Variants in PITPNM2 observed in about 807,000 individuals in gnomAD.
PITPNM2 encodes membrane-associated phosphatidylinositol transfer protein 2.
A neutral mutation model predicts 132.2 loss-of-function variants in PITPNM2; 35 were observed. The observed-to-expected ratio is 0.26, with a 90% CI of 0.20 to 0.35. PITPNM2 has a LOEUF of 0.35. PITPNM2 is among the 10% of genes least tolerant of loss of function. PITPNM2 has a pLI of 1.00. For synonymous variants in PITPNM2, 738 were observed against 799.2 expected (o/e 0.92, Z 1.29); for missense variants, 1,332 against 1,912.0 (o/e 0.70, Z 5.66).
chr12:123,041,894 G>C (rs2040492501), intron 2 of PITPNM2, among the ~76,000 whole-genome samples: 1 of 152,054 alleles, frequency 6.6e-6, no homozygotes, highest in South Asian at 2.1e-4. Flanking sequence ...CCTGGCCTTA[G>C]AAAAGTCTTC....
chr12:123,005,121 C>T lies in PITPNM2; in HGVS notation c.952+119G>A. ...GCCCAGGGCTCTGACTCCCTCTGGGCTTGGTGCCTCAATGTCCATGGGAAA... is the reference window on the plus strand; with the variant it reads ...GCCCAGGGCTCTGACTCCCTCTGGGTTTGGTGCCTCAATGTCCATGGGAAA... On this transcript the variant is annotated intron_variant, in intron 7 of 25. Coordinates refer to ENST00000320201, the MANE Select transcript of PITPNM2 (RefSeq NM_020845.3). The surrounding 1 kb of genome is among the most constrained non-coding windows in gnomAD (Gnocchi z 6.2). The T allele has an allele frequency of 7.8e-7, 1 of 1,274,170 alleles. No individual in the cohort carries two copies. The highest frequency in any genetic ancestry group is 1.1e-6 in the Non-Finnish European group (1 of 918,098). The allele number at this position is 1,274,170 out of a possible 1,614,324, so 78.9% of individuals were successfully genotyped here. A position where few individuals can be genotyped will look rare whatever the true frequency, so the allele number is the denominator to read the frequency against.
chr12:123,008,516 C>T lies in PITPNM2; in HGVS notation c.643+1334G>A, dbSNP rs73411043. ...TGCCTGGGAAGTGAGAACCACCATT[C>T]CCATTTTGAGGCTTCAGCACTGGGG... On this transcript the variant is annotated intron_variant, in intron 6 of 25. Transcript: ENST00000320201. The surrounding 1 kb of genome is among the most constrained non-coding windows in gnomAD (Gnocchi z 4.1). Among the ~76,000 whole-genome samples the T allele has an allele frequency of 6.6e-6, 1 of 152,142 alleles. No individual in the cohort carries two copies. Among genetic ancestry groups the T allele is most frequent in the Non-Finnish European group, 1.5e-5 (1 of 68,022 alleles).
chr12:123,091,740 C>T (rs1322375506), intron 2 of PITPNM2: 1 of 152,232 alleles, frequency 6.6e-6, no homozygotes, highest in Non-Finnish European at 1.5e-5. Context: ...CCCGCTGTCA[C>T]CCAGAGCATA....
intron 1 of PITPNM2, among the ~76,000 whole-genome samples, chr12:123,123,090 A>G (rs1371111600): frequency 1.3e-5 from 2 of 152,226 alleles, no homozygotes; most frequent in Non-Finnish European, 1.5e-5. Flanking sequence ...GATGCCTGCT[A>G]CAGCACTGTT....
intron 2 of PITPNM2, chr12:123,075,989 T>C (rs1054212793): frequency 6.6e-6 from 1 of 152,228 alleles, no homozygotes; most frequent in Non-Finnish European, 1.5e-5. Context: ...GTGCCTCCCA[T>C]AGAGGCTGAG....
intron 2 of PITPNM2, among the ~76,000 whole-genome samples, chr12:123,054,983 G>C (rs192586888): frequency 6.6e-6 from 1 of 152,304 alleles, no homozygotes; most frequent in African/African-American, 2.4e-5. Context: ...AGAATCACTT[G>C]AATCCGGGAG....
In PITPNM2 at chr12:123,004,302, G is replaced by A. The variant is rs529938555; in HGVS notation, c.1048+92C>T. ...TATAGAATAGTAACAGGCAACACCC[G>A]CATCAGTCCACACCCACACCCTAAG... On this transcript the variant is annotated intron_variant, in intron 8 of 25. Coordinates refer to ENST00000320201, the MANE Select transcript of PITPNM2 (RefSeq NM_020845.3). This position sits in a 1 kb window ranked among gnomAD's most constrained non-coding sequence, Gnocchi z 4.9. 9.8e-4 allele frequency: 1,153 copies of A among 1,173,470 alleles called. 1 individual carries two copies. The highest frequency in any genetic ancestry group is 1.2e-3 in the Non-Finnish European group (975 of 795,548). The allele number at this position is 1,173,470 out of a possible 1,614,324, so 72.7% of individuals were successfully genotyped here.
At chr12:123,052,936 A>G (rs2040911182) in intron 2 of PITPNM2, among the ~76,000 whole-genome samples, 1 of 152,094 alleles carries the variant, frequency 6.6e-6, no homozygotes, top group African/African-American at 2.4e-5. Flanking sequence ...GCTGGGGTAC[A>G]ATGTCACCAT....
At chr12:123,040,792 T>C (rs932697371) in intron 2 of PITPNM2, among the ~76,000 whole-genome samples, 12 of 152,242 alleles carry the variant, frequency 7.9e-5, no homozygotes, top group Non-Finnish European at 1.6e-4. Flanking sequence ...GATACTTTTT[T>C]TAAAAAAGAT....
upstream of PITPNM2, among the ~76,000 whole-genome samples, chr12:123,151,275 C>G (rs1351014390): frequency 6.6e-6 from 1 of 151,200 alleles, no homozygotes; most frequent in East Asian, 2.0e-4. Context: ...AGACCTGCCG[C>G]GGCGACCCCG....
chr12:123,079,755 C>CT (rs1395764044), intron 2 of PITPNM2, among the ~76,000 whole-genome samples: 5 of 152,280 alleles, frequency 3.3e-5, no homozygotes, highest in Admixed American at 1.3e-4. Flanking sequence ...CTTCTTCTCA[C>CT]TTTTTTTATT....
intron 14 of PITPNM2, 105 bp downstream of exon 14, chr12:122,995,284 G>T: frequency 6.8e-7 from 1 of 1,462,180 alleles, no homozygotes; most frequent in South Asian, 1.4e-5. Flanking sequence ...GGGAACCTCA[G>T]GCAGACAGCC....
At chr12:123,052,475 C>G (rs1337946380) in intron 2 of PITPNM2, among the ~76,000 whole-genome samples, 1 of 152,106 alleles carries the variant, frequency 6.6e-6, no homozygotes, top group East Asian at 1.9e-4. Flanking sequence ...AAAAAATTAG[C>G]TGGGCATGGT....
At chr12:123,011,678 G>C (rs559440777) in intron 5 of PITPNM2, among the ~76,000 whole-genome samples, 94 of 152,312 alleles carry the variant, frequency 6.2e-4, no homozygotes, top group African/African-American at 2.0e-3. Flanking sequence ...GACAGACACA[G>C]AGGGGAGTGA....
rs1181884625 is a variant in PITPNM2, at chr12:123,023,894, CTT to C, written c.79-9854_79-9853del. 6.6e-6 allele frequency among the ~76,000 whole-genome samples: 1 copy of C among 152,144 alleles called. No individual in the cohort carries two copies. Among genetic ancestry groups the C allele is most frequent in the Non-Finnish European group, 1.5e-5 (1 of 68,034 alleles). Reference sequence around the variant, plus strand: ...TTATATACAATATATCTTATAGTAACTTATATCCAAAATATATACAGAACTCC... The same window carrying C: ...TTATATACAATATATCTTATAGTAACATATCCAAAATATATACAGAACTCC... On this transcript the variant is annotated intron_variant, in intron 3 of 25. Coordinates refer to ENST00000320201, the MANE Select transcript of PITPNM2 (RefSeq NM_020845.3). This position sits in a 1 kb window ranked among gnomAD's most constrained non-coding sequence, Gnocchi z 4.8.
In PITPNM2 at chr12:122,987,447, G is replaced by C; in HGVS notation, c.3264-17C>G. The C allele has an allele frequency of 6.2e-7, 1 of 1,613,484 alleles. No homozygotes were observed. The highest frequency in any genetic ancestry group is 1.1e-5 in the South Asian group (1 of 91,078). On this transcript the variant is annotated splice_polypyrimidine_tract_variant and intron_variant, in intron 22 of 25. Coordinates refer to ENST00000320201, the MANE Select transcript of PITPNM2 (RefSeq NM_020845.3). ...TGGTCTCCCCTGGCAGGTGGTGGGG[G>C]TGCTCATCAGAACCACCCAGAGCCT...
At chr12:123,044,652 A>G (rs2136572494) in intron 2 of PITPNM2, among the ~76,000 whole-genome samples, 1 of 152,342 alleles carries the variant, frequency 6.6e-6, no homozygotes, top group East Asian at 1.9e-4. Context: ...CCTCTGGGCC[A>G]GCCTTCAAAA....
chr12:123,118,984 G>A (rs2042982667), intron 1 of PITPNM2, among the ~76,000 whole-genome samples: 2 of 152,194 alleles, frequency 1.3e-5, no homozygotes. Context: ...CTGTGTCCGT[G>A]TGGCCTGTGT....
chr12:123,074,650 C>T (rs1214975171), intron 2 of PITPNM2, among the ~76,000 whole-genome samples: 1 of 152,126 alleles, frequency 6.6e-6, no homozygotes, highest in Non-Finnish European at 1.5e-5. Flanking sequence ...CACACAAACA[C>T]ACACATATGG....
Sources: allele counts gnomAD v4.1 joint callset (sites outside exome capture counted in the v4.1 genomes callset), GRCh38; gene constraint gnomAD v4.1.1; non-coding constraint Gnocchi (gnomAD v3.1); transcripts MANE v1.5; gene names NCBI Gene and HGNC (gene_info 2026-07-23, HGNC 2026-07-21).